LRRC37A2: variants seen among roughly 807,000 people sequenced by gnomAD.
The protein encoded by LRRC37A2 is leucine rich repeat containing 37 member A2.
LRRC37A2 carries 9 observed loss-of-function variants against 68.8 expected under a neutral mutation model. The observed-to-expected ratio is 0.13, with a 90% CI of 0.08 to 0.23. The LOEUF (loss-of-function observed/expected upper bound fraction) is 0.23. LRRC37A2 is among the 10% of genes least tolerant of loss of function. LRRC37A2 has a pLI of 1.00. For synonymous variants in LRRC37A2, 63 were observed against 367.6 expected (o/e 0.17, Z 9.48); for missense variants, 168 against 950.4 (o/e 0.18, Z 10.82).
chr17:46,478,321 TTAAA>T, the LRRC37A2 span, among the ~76,000 whole-genome samples: 2 of 71,368 alleles, frequency 2.8e-5, 1 homozygote, highest in Non-Finnish European at 6.7e-5. Flanking sequence ...TCAGCCAAAC[TTAAA>T]TAATCACCGG....
chr17:46,809,344 A>ATTGGTTTTCCTTGCC, the LRRC37A2 span, among the ~76,000 whole-genome samples: 1 of 152,094 alleles, frequency 6.6e-6, no homozygotes, highest in African/African-American at 2.4e-5. Context: ...GCCCTGCGAG[A>ATTGGTTTTCCTTGCC]TTGGTTTTCC....
chr17:46,756,777 A>G, the LRRC37A2 span: 3 of 152,580 alleles, frequency 2.0e-5, no homozygotes, highest in East Asian at 1.9e-4. Context: ...TGTCTAAAAC[A>G]CTATTCTCCA....
the LRRC37A2 span, among the ~76,000 whole-genome samples, chr17:46,840,000 CTTCTTTCTTTCT>C: frequency 0.016 from 1,997 of 125,160 alleles, 73 homozygotes; most frequent in African/African-American, 0.055. Context: ...TTTTTTCTTT[CTTCTTTCTTTCT>C]TTCTTTCTTT....
chr17:46,418,213 GTT>G, the LRRC37A2 span, among the ~76,000 whole-genome samples: 543 of 48,680 alleles, frequency 0.011, 32 homozygotes, highest in South Asian at 0.044. Flanking sequence ...GTGTGTGTGT[GTT>G]TGTGTGTGTG....
the LRRC37A2 span, among the ~76,000 whole-genome samples, chr17:46,655,324 C>CT: frequency 1.3e-5 from 1 of 76,828 alleles, no homozygotes; most frequent in Non-Finnish European, 2.4e-5. Context: ...AGGGAGAAAT[C>CT]TTAGCAAGAC....
chr17:46,535,045 C>A (rs1471201498), intron 6 of LRRC37A2, among the ~76,000 whole-genome samples: 1 of 149,436 alleles, frequency 6.7e-6, no homozygotes, highest in Admixed American at 6.6e-5. Flanking sequence ...ACATCCCAGA[C>A]GGGCATGCCC....
At chr17:46,398,219 TATATG>T in the LRRC37A2 span, among the ~76,000 whole-genome samples, 5 of 121,544 alleles carry the variant, frequency 4.1e-5, no homozygotes, top group African/African-American at 1.4e-4. Context: ...TTTTGATCCT[TATATG>T]ATATGATATA....
chr17:46,762,593 T>C, the LRRC37A2 span: 2 of 150,668 alleles, frequency 1.3e-5, 1 homozygote, highest in East Asian at 3.9e-4. Context: ...TATATATTTA[T>C]ATAATATATA....
chr17:46,783,710 A>C, the LRRC37A2 span, among the ~76,000 whole-genome samples: 1 of 152,206 alleles, frequency 6.6e-6, no homozygotes, highest in African/African-American at 2.4e-5. Context: ...CATGTGGAGC[A>C]GCTACCGAGC....
chr17:46,960,595 CCCAAATAT>C, the LRRC37A2 span, among the ~76,000 whole-genome samples: 1 of 152,152 alleles, frequency 6.6e-6, no homozygotes, highest in African/African-American at 2.4e-5. Flanking sequence ...CAGGATACAA[CCCAAATAT>C]CCTTCAACTG....
the LRRC37A2 span, among the ~76,000 whole-genome samples, chr17:46,801,357 C>T: frequency 3.3e-5 from 5 of 152,224 alleles, no homozygotes; most frequent in Admixed American, 2.6e-4. Context: ...CGGTGGCTCA[C>T]GCCTGTAATC....
the LRRC37A2 span, among the ~76,000 whole-genome samples, chr17:46,787,547 G>GA: frequency 2.0e-5 from 3 of 152,338 alleles, no homozygotes; most frequent in Admixed American, 2.0e-4. Flanking sequence ...CTGACTCCCA[G>GA]CCAGAGCTTG....
chr17:46,969,457 A>T, the LRRC37A2 span, among the ~76,000 whole-genome samples: 1 of 152,256 alleles, frequency 6.6e-6, no homozygotes, highest in Admixed American at 6.5e-5. Flanking sequence ...CCTATGTCAC[A>T]GTGAGAGAGC....
the LRRC37A2 span, among the ~76,000 whole-genome samples, chr17:46,485,973 G>A: frequency 5.1e-5 from 2 of 39,578 alleles, no homozygotes; most frequent in Admixed American, 2.2e-4. Context: ...GTGAGACTCC[G>A]TCTCAAAAAA....
chr17:46,871,838 C>T, the LRRC37A2 span, among the ~76,000 whole-genome samples: 1 of 152,192 alleles, frequency 6.6e-6, no homozygotes, highest in African/African-American at 2.4e-5. Context: ...TCCTTCCTTC[C>T]CTTCTCTTTC....
the LRRC37A2 span, chr17:46,938,632 A>T: frequency 1.2e-6 from 2 of 1,614,084 alleles, no homozygotes; most frequent in Non-Finnish European, 1.7e-6. Context: ...CATTGCCAAC[A>T]TGCTGGGCTT....
the LRRC37A2 span, among the ~76,000 whole-genome samples, chr17:46,873,132 AC>A: frequency 6.8e-6 from 1 of 146,014 alleles, no homozygotes; most frequent in Non-Finnish European, 1.5e-5. Flanking sequence ...ACACACACAC[AC>A]GAAACAAGGC....
At chr17:46,797,400 G>T in the LRRC37A2 span, among the ~76,000 whole-genome samples, 2 of 152,212 alleles carry the variant, frequency 1.3e-5, no homozygotes, top group Admixed American at 1.3e-4. Flanking sequence ...GGGCCAAGTG[G>T]AGGAGGGAAA....
the LRRC37A2 span, among the ~76,000 whole-genome samples, chr17:46,960,400 G>T: frequency 6.6e-5 from 10 of 152,176 alleles, no homozygotes; most frequent in African/African-American, 2.2e-4. Context: ...ACACATTGCT[G>T]GTGGAAATGC....
Sources: gnomAD v4.1 joint callset for allele counts (sites outside exome capture counted in the v4.1 genomes callset) on GRCh38, gnomAD v4.1.1 for gene constraint, MANE v1.5 for transcripts, NCBI Gene and HGNC (gene_info 2026-07-23, HGNC 2026-07-21) for gene names.